The following PCNX2 variants were observed in gnomAD, a reference collection of about 807,000 sequenced individuals.
PCNX2 encodes pecanex-like protein 2.
Under a neutral mutation model 223.8 loss-of-function variants are expected in PCNX2, and 168 were observed. That is an observed-to-expected ratio of 0.75 (90% confidence interval 0.66 to 0.85). The LOEUF is 0.85. Ranked by LOEUF, PCNX2 falls within the 40% of genes least tolerant of loss-of-function variation. PCNX2 has a pLI of 0.00. For missense variants in PCNX2, 2,507 were observed against 2,675.5 expected, an observed-to-expected ratio of 0.94 and a Z score of 1.39; for synonymous variants, 1,006 against 1,052.6, an observed-to-expected ratio of 0.96 and a Z score of 0.86.
intron 15 of PCNX2, among the ~76,000 whole-genome samples, chr1:233,191,273 C>A (rs1680404713): frequency 6.6e-6 from 1 of 152,172 alleles, no homozygotes; most frequent in East Asian, 1.9e-4. Flanking sequence ...CCCAGCAGAG[C>A]TATTGCTGAA....
chr1:233,031,784 T>TG lies in PCNX2; in HGVS notation c.4352-6386_4352-6385insC, dbSNP rs1300128065. The stretch of plus-strand genomic sequence containing the variant: ...TGCTTTGGCTCTTGGCTGAAAGCAT[T>TG]CTTTTTTTTTTTTTTTTTTAAACAT... On this transcript the variant is annotated intron_variant, in intron 25 of 33. Transcript: ENST00000258229. 456 of 977,342 alleles carry TG rather than the reference T, an allele frequency of 4.7e-4. No homozygotes were observed. In the African/African-American group the frequency reaches 8.2e-3, roughly 18 times the overall value. The allele number at this position is 977,342 out of a possible 1,614,324, so 60.5% of individuals were successfully genotyped here. A position where few individuals can be genotyped will look rare whatever the true frequency, so the allele number is the denominator to read the frequency against.
At chr1:233,285,117 C>A (rs1661383176) in intron 1 of PCNX2, 1 of 622,018 alleles carries the variant, frequency 1.6e-6, no homozygotes, top group African/African-American at 2.0e-5. Flanking sequence ...CTTCGGGAGG[C>A]CAAAGTGAGA....
intron 10 of PCNX2, among the ~76,000 whole-genome samples, chr1:233,223,244 G>C (rs1348968481): frequency 2.6e-5 from 4 of 152,158 alleles, no homozygotes; most frequent in African/African-American, 9.7e-5. Context: ...CTAGTAACGT[G>C]AGAAGAAAAA....
intron 24 of PCNX2, 128 bp downstream of exon 24, chr1:233,057,104 C>T (rs747698445): frequency 3.6e-6 from 3 of 840,800 alleles, no homozygotes; most frequent in Non-Finnish European, 5.5e-6. Flanking sequence ...TTTTATTCCA[C>T]ATTCAGCAGA....
chr1:233,025,614 G>A, intron 25 of PCNX2: 1 of 616,140 alleles, frequency 1.6e-6, no homozygotes, highest in South Asian at 2.3e-5. Context: ...AGTCTCTGTA[G>A]AAAATATATT....
chr1:233,200,381 A>AACTT, intron 13 of PCNX2, 117 bp from the exon 14 acceptor site: 1 of 429,188 alleles, frequency 2.3e-6, no homozygotes, highest in African/African-American at 2.8e-5. Context: ...ACTGGAGGCA[A>AACTT]TCTTTTTTTT....
intron 15 of PCNX2, among the ~76,000 whole-genome samples, chr1:233,184,952 G>C (rs996547361): frequency 6.6e-6 from 1 of 151,598 alleles, no homozygotes; most frequent in Admixed American, 6.6e-5. Flanking sequence ...AAAAAAAACT[G>C]ACCTTCCCTG....
At position 233,236,893 on chromosome 1, in the gene PCNX2, T is replaced by A. The variant is rs187920867; in HGVS notation, c.2310A>T (p.Gln770His). The A allele has an allele frequency of 5.6e-6, 9 of 1,613,984 alleles. No homozygotes were observed. In the African/African-American group the frequency reaches 1.2e-4, roughly 22 times the overall value. Residue 770 changes from glutamine to histidine, a missense_variant, in exon 9 of 34, where the codon CAA becomes CAT. Transcript: ENST00000258229. ...SGDPAVSALQ[Q>H]QLLLMVARRT... The stretch of plus-strand genomic sequence containing the variant: ...TGCGAGCCACCATCAGTAACAGCTG[T>A]TGCTGAAGGGCACTGACGGCAGGGT...
rs117838947 is a variant in PCNX2 at position 233,024,986 on chromosome 1, T to C, written c.4605+160A>G. The stretch of plus-strand genomic sequence containing the variant: ...AATCTCAGGTTAAATCAAAGCCCTC[T>C]AGGATTTTTCCAAAAGCAATGGTTC... On this transcript the variant is annotated intron_variant, in intron 26 of 33. Coordinates refer to ENST00000258229, the MANE Select transcript of PCNX2 (RefSeq NM_014801.4). Among the ~76,000 whole-genome samples, 36 of 152,330 alleles carry C rather than the reference T, an allele frequency of 2.4e-4. 1 individual carries two copies. The East Asian group carries it at 6.4e-3, about 27-fold the overall frequency.
At chr1:233,134,679 A>G (rs1676708013) in intron 21 of PCNX2, 1 of 349,860 alleles carries the variant, frequency 2.9e-6, no homozygotes, top group Non-Finnish European at 5.1e-6. Flanking sequence ...GGGAGAGACC[A>G]GTGAACTTGG....
chr1:233,190,948 G>A (rs1680390253), intron 15 of PCNX2, among the ~76,000 whole-genome samples: 1 of 152,084 alleles, frequency 6.6e-6, no homozygotes, highest in Non-Finnish European at 1.5e-5. Context: ...ACCTCAGTTA[G>A]AAAAAAATGC....
chr1:233,130,563 C>T (rs1305812443), intron 21 of PCNX2, among the ~76,000 whole-genome samples: 1 of 151,188 alleles, frequency 6.6e-6, no homozygotes, highest in Admixed American at 6.6e-5. Flanking sequence ...CGGCTCACTG[C>T]AAGCTCCACC....
intron 1 of PCNX2, among the ~76,000 whole-genome samples, chr1:233,293,441 C>T (rs1439580937): frequency 6.6e-6 from 1 of 152,100 alleles, no homozygotes; most frequent in East Asian, 1.9e-4. Flanking sequence ...AAAATCCATG[C>T]CCTCAAAAAA....
At chr1:233,296,065 G>A (rs1572222833), upstream of PCNX2, among the ~76,000 whole-genome samples, 1 of 145,008 alleles carries the variant, frequency 6.9e-6, no homozygotes, top group Non-Finnish European at 1.5e-5. Flanking sequence ...GTTAGGGGAC[G>A]TGCAAGGGTG....
rs375650791 is a variant in PCNX2, at chr1:233,115,264, T to C, written c.3838-19401A>G. 1.3e-4 allele frequency among the ~76,000 whole-genome samples: 19 copies of C among 151,728 alleles called. No homozygotes were observed. In the East Asian group the frequency reaches 1.7e-3, roughly 14 times the overall value. On this transcript the variant is annotated intron_variant, in intron 21 of 33. Transcript: ENST00000258229. ...CAGGCCCAATTAAAAACAGATTTAA[T>C]TGGAAGATAATAGAATGCTCCCCCT...
At chr1:233,030,678 A>G (rs554101935) in intron 25 of PCNX2, among the ~76,000 whole-genome samples, 1 of 152,298 alleles carries the variant, frequency 6.6e-6, no homozygotes, top group Non-Finnish European at 1.5e-5. Flanking sequence ...CTACTCCTAA[A>G]GCCTGGTCTT....
At chr1:233,124,115 T>C (rs1232664989) in intron 21 of PCNX2, among the ~76,000 whole-genome samples, 1 of 152,210 alleles carries the variant, frequency 6.6e-6, no homozygotes, top group Non-Finnish European at 1.5e-5. Context: ...TCGTTTTCTG[T>C]CTCATTATTT....
At chr1:233,106,774 A>G (rs921488809) in intron 21 of PCNX2, among the ~76,000 whole-genome samples, 2 of 152,168 alleles carry the variant, frequency 1.3e-5, no homozygotes, top group South Asian at 2.1e-4. Context: ...AAGATAAACA[A>G]TGTTAATGTA....
At chr1:233,152,465 C>T (rs1484060824) in intron 19 of PCNX2, among the ~76,000 whole-genome samples, 1 of 152,112 alleles carries the variant, frequency 6.6e-6, no homozygotes, top group Non-Finnish European at 1.5e-5. Flanking sequence ...CTCCTCTAGC[C>T]ACAGCAAAGA....
Sources: gnomAD v4.1 joint callset for allele counts (sites outside exome capture counted in the v4.1 genomes callset) on GRCh38, gnomAD v4.1.1 for gene constraint, MANE v1.5 for transcripts, NCBI Gene and HGNC (gene_info 2026-07-23, HGNC 2026-07-21) for gene names.